ATXN1: variants seen among roughly 807,000 people sequenced by gnomAD.
ATXN1 encodes ataxin 1.
Under a neutral mutation model 56.4 loss-of-function variants are expected in ATXN1, and 8 were observed. The observed-to-expected ratio is 0.14, with a 90% confidence interval of 0.08 to 0.26. ATXN1 has a LOEUF of 0.26. Ranked by LOEUF, ATXN1 falls within the 10% of genes least tolerant of loss-of-function variation. ATXN1 has a pLI of 1.00. For missense variants in ATXN1, 987 were observed against 1,106.5 expected (o/e 0.89, Z 1.53); for synonymous variants, 514 against 494.6 (o/e 1.04, Z -0.52).
At chr6:16,406,303 A>C (rs1439726914) in intron 6 of ATXN1, among the ~76,000 whole-genome samples, 2 of 152,216 alleles carry the variant, frequency 1.3e-5, no homozygotes, top group Non-Finnish European at 2.9e-5. Flanking sequence ...TTTTTTCAAG[A>C]ATCTAAATAA....
chr6:16,379,078 C>A (rs528710093), intron 6 of ATXN1, among the ~76,000 whole-genome samples: 76 of 152,258 alleles, frequency 5.0e-4, no homozygotes, highest in Non-Finnish European at 9.1e-4. Context: ...TACTACTCAG[C>A]CATAAAAAGG....
intron 4 of ATXN1, among the ~76,000 whole-genome samples, chr6:16,550,155 CA>C (rs70999336): frequency 0.37 from 33,992 of 91,130 alleles, 4,358 homozygotes; most frequent in Non-Finnish European, 0.43. Flanking sequence ...AAATAAAATA[CA>C]AAAAAAAAAA....
At chr6:16,591,529 T>A (rs236981) in intron 3 of ATXN1, among the ~76,000 whole-genome samples, 2 of 152,004 alleles carry the variant, frequency 1.3e-5, no homozygotes, top group African/African-American at 4.8e-5. Flanking sequence ...TTGTTCATTA[T>A]GCTGGTCCTT....
At chr6:16,463,791 G>A (rs1393306339) in intron 6 of ATXN1, among the ~76,000 whole-genome samples, 3 of 152,130 alleles carry the variant, frequency 2.0e-5, no homozygotes, top group African/African-American at 7.2e-5. Flanking sequence ...CCCTTTCTAC[G>A]TCCCATGACA....
At position 16,323,525 on chromosome 6, in the gene ATXN1, CAAAAAAAAAAAAAAAAAAA is replaced by C. The variant is rs35308265; in HGVS notation, c.1917+2850_1917+2868del. ...GGGTGACAGAGCAAGACTCTGTCTC[CAAAAAAAAAAAAAAAAAAA>C]AAAAAAAAAAATAGAAGAGTCTGGT... is the stretch of plus-strand genomic sequence containing the variant. On this transcript the variant is annotated intron_variant, in intron 7 of 7. Transcript: ENST00000436367. 8.2e-5 allele frequency among the ~76,000 whole-genome samples: 4 copies of C among 48,846 alleles called. No homozygotes were observed. The East Asian group carries it at 2.0e-3, about 25-fold the overall frequency. The allele number at this position is 48,846 out of a possible 152,430, so 32.0% of individuals were successfully genotyped here. A position where few individuals can be genotyped will look rare whatever the true frequency, so the allele number is the denominator to read the frequency against.
intron 6 of ATXN1, among the ~76,000 whole-genome samples, chr6:16,466,506 CA>C (rs1760111090): frequency 6.6e-6 from 1 of 152,010 alleles, no homozygotes. Context: ...GGGGCATATC[CA>C]ACTGGTGAAA....
At chr6:16,658,265 T>C (rs1758246498) in intron 2 of ATXN1, among the ~76,000 whole-genome samples, 2 of 152,222 alleles carry the variant, frequency 1.3e-5, no homozygotes, top group African/African-American at 4.8e-5. Context: ...TAAAGACTGA[T>C]GTGCAGTATC....
At chr6:16,559,245 C>T (rs931556042) in intron 4 of ATXN1, among the ~76,000 whole-genome samples, 4 of 152,088 alleles carry the variant, frequency 2.6e-5, no homozygotes, top group Non-Finnish European at 5.9e-5. Flanking sequence ...ACTGCATATT[C>T]CTTTTGATCC....
At chr6:16,646,470 T>C (rs374391304) in intron 3 of ATXN1, among the ~76,000 whole-genome samples, 2 of 152,374 alleles carry the variant, frequency 1.3e-5, no homozygotes, top group East Asian at 1.9e-4. Context: ...CACCACTCAG[T>C]GAATAGTTCA....
At chr6:16,594,001 CTA>C (rs1260930008) in intron 3 of ATXN1, among the ~76,000 whole-genome samples, 1 of 147,664 alleles carries the variant, frequency 6.8e-6, no homozygotes, top group African/African-American at 2.5e-5. Flanking sequence ...TAATATATGT[CTA>C]TAGAGATAGA....
chr6:16,748,070 T>A (rs998736147), intron 2 of ATXN1, among the ~76,000 whole-genome samples: 2 of 152,244 alleles, frequency 1.3e-5, no homozygotes, highest in African/African-American at 4.8e-5. Flanking sequence ...TGATGCTGAA[T>A]AACATTTGGA....
intron 5 of ATXN1, among the ~76,000 whole-genome samples, chr6:16,493,291 C>G (rs1760705986): frequency 6.6e-6 from 1 of 152,172 alleles, no homozygotes; most frequent in African/African-American, 2.4e-5. Context: ...CTCATGCACA[C>G]TGAAGCAGCC....
chr6:16,569,477 A>G (rs1762290948), intron 4 of ATXN1, among the ~76,000 whole-genome samples: 1 of 148,490 alleles, frequency 6.7e-6, no homozygotes, highest in Non-Finnish European at 1.5e-5. Context: ...TAGTGAGCCA[A>G]GCTCACACCA....
intron 3 of ATXN1, among the ~76,000 whole-genome samples, chr6:16,618,630 G>A (rs1007522142): frequency 2.0e-4 from 31 of 151,286 alleles, no homozygotes; most frequent in African/African-American, 6.8e-4. Flanking sequence ...GCTGAAGCAG[G>A]AGAATCGCTT....
At chr6:16,611,412 A>C (rs1162267125) in intron 3 of ATXN1, among the ~76,000 whole-genome samples, 4 of 152,220 alleles carry the variant, frequency 2.6e-5, no homozygotes, top group Non-Finnish European at 5.9e-5. Context: ...AATATCAAGG[A>C]ATCATAAAAC....
chr6:16,329,455 T>A (rs1263018478), intron 6 of ATXN1, among the ~76,000 whole-genome samples: 2 of 152,006 alleles, frequency 1.3e-5, no homozygotes, highest in Non-Finnish European at 2.9e-5. Context: ...CCAGAAATAA[T>A]CCTGTTCTCT....
Position 16,760,235 on chromosome 6 carries a change from C to T in ATXN1, c.-730+1063G>A, listed in dbSNP as rs1329599567. ...CATCCCAATCCCCGCAGCGCCTCCTCCGCGGCGGCCGCCGCCTCCTCCTCC... is the reference window on the plus strand; with the variant it reads ...CATCCCAATCCCCGCAGCGCCTCCTTCGCGGCGGCCGCCGCCTCCTCCTCC... On this transcript the variant is annotated intron_variant, in intron 1 of 7. Coordinates refer to ENST00000436367, the MANE Select transcript of ATXN1 (RefSeq NM_001128164.2). The surrounding 1 kb of genome is among the most constrained non-coding windows in gnomAD (Gnocchi z 5.3). 6.6e-6 allele frequency among the ~76,000 whole-genome samples: 1 copy of T among 151,958 alleles called. No homozygotes were observed. The highest frequency in any genetic ancestry group is 1.5e-5 in the Non-Finnish European group (1 of 67,950).
intron 6 of ATXN1, among the ~76,000 whole-genome samples, chr6:16,348,473 C>T (rs1047268462): frequency 6.6e-6 from 1 of 151,938 alleles, no homozygotes; most frequent in Middle Eastern, 3.2e-3. Context: ...CGAGGGGGGG[C>T]AGATCATGTG....
At chr6:16,717,530 T>C (rs1759663776) in intron 2 of ATXN1, among the ~76,000 whole-genome samples, 1 of 152,240 alleles carries the variant, frequency 6.6e-6, no homozygotes, top group Non-Finnish European at 1.5e-5. Flanking sequence ...GAGCAGCAAT[T>C]TCTCAAGGCA....
Sources: gnomAD v4.1 joint callset for allele counts (sites outside exome capture counted in the v4.1 genomes callset) on GRCh38, gnomAD v4.1.1 for gene constraint, Gnocchi (gnomAD v3.1) non-coding constraint, MANE v1.5 for transcripts, NCBI Gene and HGNC (gene_info 2026-07-23, HGNC 2026-07-21) for gene names.